The following SKIC3 variants were observed in gnomAD, a reference collection of about 807,000 sequenced individuals.
SKIC3 encodes SKI3 subunit of superkiller complex.
At chr5:95,519,840 C>T in the SKIC3 span, among the ~76,000 whole-genome samples, 3 of 151,988 alleles carry the variant, frequency 2.0e-5, no homozygotes, top group Non-Finnish European at 2.9e-5. Flanking sequence ...CAAAGGTTCA[C>T]ATTTACTCTT....
the SKIC3 span, among the ~76,000 whole-genome samples, chr5:95,507,508 G>C: frequency 6.6e-6 from 1 of 152,170 alleles, no homozygotes; most frequent in Non-Finnish European, 1.5e-5. Flanking sequence ...ATAACCTGCT[G>C]ACAACGTGTA....
the SKIC3 span, among the ~76,000 whole-genome samples, chr5:95,532,033 A>T: frequency 6.6e-6 from 1 of 151,854 alleles, no homozygotes; most frequent in Non-Finnish European, 1.5e-5. Context: ...TAGCTACCAA[A>T]CTCTTATCTT....
chr5:95,542,495 CA>C, the SKIC3 span, among the ~76,000 whole-genome samples: 1 of 149,766 alleles, frequency 6.7e-6, no homozygotes, highest in Non-Finnish European at 1.5e-5. Context: ...TATGATCAAA[CA>C]AAAAAAAATC....
At chr5:95,510,178 A>G in the SKIC3 span, among the ~76,000 whole-genome samples, 2 of 152,234 alleles carry the variant, frequency 1.3e-5, no homozygotes, top group Admixed American at 1.3e-4. Context: ...AATGTCAAAA[A>G]ACATAATGTA....
the SKIC3 span, chr5:95,537,122 T>G: frequency 3.7e-6 from 6 of 1,613,446 alleles, no homozygotes; most frequent in African/African-American, 1.3e-5. Flanking sequence ...TCCCAGTGCA[T>G]TCTCAAAAGC....
the SKIC3 span, among the ~76,000 whole-genome samples, chr5:95,547,374 C>T: frequency 3.3e-5 from 5 of 152,134 alleles, no homozygotes; most frequent in Non-Finnish European, 7.4e-5. Flanking sequence ...TGCTATTTAA[C>T]ATTTTAATCT....
At chr5:95,465,958 T>TCATA in the SKIC3 span, among the ~76,000 whole-genome samples, 2 of 152,212 alleles carry the variant, frequency 1.3e-5, no homozygotes, top group Admixed American at 1.3e-4. Context: ...CTCCCAACAT[T>TCATA]CATATATGTT....
At chr5:95,509,733 T>C in the SKIC3 span, 17 of 1,250,220 alleles carry the variant, frequency 1.4e-5, no homozygotes, top group Non-Finnish European at 1.9e-5. Context: ...CTACTGATGG[T>C]ATTAACAAAA....
At chr5:95,509,477 G>T in the SKIC3 span, 1 of 776,144 alleles carries the variant, frequency 1.3e-6, no homozygotes, top group Non-Finnish European at 2.3e-6. Flanking sequence ...ACCTGCAAAT[G>T]GCGTGAACAT....
At chr5:95,510,628 C>T in the SKIC3 span, among the ~76,000 whole-genome samples, 9 of 152,184 alleles carry the variant, frequency 5.9e-5, no homozygotes, top group African/African-American at 2.2e-4. Flanking sequence ...AGCTTCAACT[C>T]CCTATGATTT....
At chr5:95,525,760 A>G in the SKIC3 span, 5 of 1,248,090 alleles carry the variant, frequency 4.0e-6, no homozygotes, top group Non-Finnish European at 2.3e-6. Flanking sequence ...GAACACAGAA[A>G]AGCATGGTCC....
At chr5:95,513,588 T>C in the SKIC3 span, 47 of 1,613,744 alleles carry the variant, frequency 2.9e-5, no homozygotes, top group South Asian at 3.8e-4. Context: ...TTTAGTTCTG[T>C]AGTGTGCCTG....
At chr5:95,474,402 TAAAG>T in the SKIC3 span, among the ~76,000 whole-genome samples, 2 of 151,902 alleles carry the variant, frequency 1.3e-5, no homozygotes, top group African/African-American at 4.8e-5. Context: ...AACAAGAAAA[TAAAG>T]AAAAGAAAAA....
the SKIC3 span, among the ~76,000 whole-genome samples, chr5:95,500,701 C>A: frequency 6.6e-6 from 1 of 152,070 alleles, no homozygotes; most frequent in Non-Finnish European, 1.5e-5. Context: ...AATCTAACAT[C>A]CGTTAATATC....
At chr5:95,478,822 T>C in the SKIC3 span, among the ~76,000 whole-genome samples, 1 of 152,148 alleles carries the variant, frequency 6.6e-6, no homozygotes, top group East Asian at 1.9e-4. Flanking sequence ...ACCCATTATT[T>C]TTTAAGAAAA....
At chr5:95,480,040 A>T in the SKIC3 span, among the ~76,000 whole-genome samples, 2 of 152,184 alleles carry the variant, frequency 1.3e-5, no homozygotes, top group Non-Finnish European at 2.9e-5. Context: ...GTACTATGTT[A>T]ATTACGGGTA....
At chr5:95,499,862 T>G in the SKIC3 span, among the ~76,000 whole-genome samples, 3 of 152,154 alleles carry the variant, frequency 2.0e-5, no homozygotes, top group Non-Finnish European at 4.4e-5. Flanking sequence ...CTCTTTCAAC[T>G]ATAAAATCTG....
At chr5:95,519,241 A>AT in the SKIC3 span, among the ~76,000 whole-genome samples, 1 of 151,958 alleles carries the variant, frequency 6.6e-6, no homozygotes, top group Admixed American at 6.6e-5. Flanking sequence ...TCAGCTATAC[A>AT]TTTTTCTTCA....
the SKIC3 span, chr5:95,467,900 T>A: frequency 1.2e-6 from 2 of 1,613,652 alleles, no homozygotes; most frequent in Non-Finnish European, 1.7e-6. Flanking sequence ...GGCATATAAG[T>A]GTCTCAGTAG....
Sources: gnomAD v4.1 joint callset for allele counts (sites outside exome capture counted in the v4.1 genomes callset) on GRCh38, gnomAD v4.1.1 for gene constraint, MANE v1.5 for transcripts, NCBI Gene and HGNC (gene_info 2026-07-23, HGNC 2026-07-21) for gene names.